The following SIK3 variants were observed in gnomAD, a reference collection of about 807,000 sequenced individuals.
The protein encoded by SIK3 is SIK family kinase 3.
SIK3 carries 28 observed loss-of-function variants against 144.2 expected under a neutral mutation model. The observed-to-expected ratio is 0.19, with a 90% CI of 0.14 to 0.27. SIK3 has a LOEUF of 0.27. Ranked by LOEUF, SIK3 falls within the 10% of genes least tolerant of loss-of-function variation. SIK3 has a pLI of 1.00. For synonymous variants in SIK3, 686 were observed against 676.3 expected, an observed-to-expected ratio of 1.01 and a Z score of -0.22; for missense variants, 1,319 against 1,776.0, an observed-to-expected ratio of 0.74 and a Z score of 4.62.
At chr11:116,944,477 TC>T (rs1948475632) in intron 3 of SIK3, among the ~76,000 whole-genome samples, 2 of 152,102 alleles carry the variant, frequency 1.3e-5, no homozygotes, top group Admixed American at 1.3e-4. Flanking sequence ...AATCAATCAA[TC>T]AATCAATCAG....
intron 4 of SIK3, among the ~76,000 whole-genome samples, chr11:116,918,544 T>C (rs1191047835): frequency 6.6e-6 from 1 of 152,206 alleles, no homozygotes; most frequent in Non-Finnish European, 1.5e-5. Flanking sequence ...ATGAAAATCC[T>C]TGAGGCTGAG....
intron 1 of SIK3, among the ~76,000 whole-genome samples, chr11:117,006,104 GA>G (rs1203742659): frequency 6.6e-6 from 1 of 152,142 alleles, no homozygotes; most frequent in Non-Finnish European, 1.5e-5. Context: ...TAATTAAAAA[GA>G]AAAAAGCAGA....
rs937843881 is a variant in SIK3, at chr11:116,844,363, A to C, written c.*1280T>G. 3 of 151,926 alleles carry C rather than the reference A, an allele frequency of 2.0e-5. No individual in the cohort carries two copies. Among genetic ancestry groups the C allele is most frequent in the African/African-American group, 4.8e-5 (2 of 41,334 alleles). 9.4% of individuals were successfully genotyped at this position (151,926 alleles called of 1,614,324 possible). ...ATTCAAATAGAACAGAATCTGGTTA[A>C]ACATTTCTCATTTAAACAAAAATTC... On this transcript the variant is annotated 3_prime_UTR_variant, in exon 25 of 25. Transcript: ENST00000445177.
At chr11:116,873,291 G>T (rs1162565653) in intron 13 of SIK3, among the ~76,000 whole-genome samples, 190 bp downstream of exon 13, 2 of 152,214 alleles carry the variant, frequency 1.3e-5, no homozygotes, top group African/African-American at 4.8e-5. Context: ...ACTTGGCTAA[G>T]TAAGTAAGTT....
chr11:117,020,807 C>T (rs1951735301), intron 1 of SIK3, among the ~76,000 whole-genome samples: 1 of 152,166 alleles, frequency 6.6e-6, no homozygotes, highest in Non-Finnish European at 1.5e-5. Context: ...TTAAAACATC[C>T]TTTCTAATGA....
intron 1 of SIK3, among the ~76,000 whole-genome samples, chr11:117,011,681 C>T (rs1306340281): frequency 2.0e-5 from 3 of 152,154 alleles, no homozygotes; most frequent in African/African-American, 7.2e-5. Flanking sequence ...ACAACTACCA[C>T]AAAATAAGGT....
At chr11:117,025,278 G>C (rs1951962200) in intron 1 of SIK3, among the ~76,000 whole-genome samples, 1 of 152,028 alleles carries the variant, frequency 6.6e-6, no homozygotes, top group Non-Finnish European at 1.5e-5. Flanking sequence ...TTTCATAACT[G>C]ATACCCATAA....
rs386375011 is a variant in SIK3, at chr11:117,091,200, C to CTTTT, written c.273+6939_273+6942dup. On this transcript the variant is annotated intron_variant, in intron 1 of 24. Transcript: ENST00000445177. ...CGTAAAATCCTGAGGTTTTTTTTTT[C>CTTTT]TTTTTTTTTTTTTTTTTTTTTGAGA... Among the ~76,000 whole-genome samples, 179 of 93,012 alleles carry CTTTT rather than the reference C, an allele frequency of 1.9e-3. 3 individuals are homozygous for CTTTT. The highest frequency in any genetic ancestry group is 3.8e-3 in the African/African-American group (89 of 23,404). The allele number at this position is 93,012 out of a possible 152,430, so 61.0% of individuals were successfully genotyped here.
rs374542270 is a variant in SIK3, at chr11:116,970,365, T to C, written c.274-13301A>G. Among the ~76,000 whole-genome samples the C allele has an allele frequency of 1.6e-4, 25 of 152,336 alleles. No individual in the cohort carries two copies. In the South Asian group the frequency reaches 5.2e-3, roughly 32 times the overall value. ...CTCTGGGAGACTTGGGTTTTGACTTTTTTAAGTTTTTAAATTGACATTTAA... is the reference window on the plus strand; with the variant it reads ...CTCTGGGAGACTTGGGTTTTGACTTCTTTAAGTTTTTAAATTGACATTTAA... On this transcript the variant is annotated intron_variant, in intron 1 of 24. Coordinates refer to ENST00000445177, the MANE Select transcript of SIK3 (RefSeq NM_001366686.3).
At chr11:116,881,278 A>C (rs896411954) in intron 6 of SIK3, among the ~76,000 whole-genome samples, 1 of 152,134 alleles carries the variant, frequency 6.6e-6, no homozygotes, top group Non-Finnish European at 1.5e-5. Flanking sequence ...GTGCCAGAGA[A>C]GCAGCTTCCC....
intron 1 of SIK3, among the ~76,000 whole-genome samples, chr11:117,075,511 A>G (rs1954471258): frequency 6.6e-6 from 1 of 151,474 alleles, no homozygotes; most frequent in Non-Finnish European, 1.5e-5. Context: ...TGTGCTATGT[A>G]TATCCACATT....
In SIK3 at chr11:116,914,636, AT is replaced by A. The variant is rs2134992228; in HGVS notation, c.616+12582del. Among the ~76,000 whole-genome samples the A allele has an allele frequency of 3.9e-5, 6 of 152,298 alleles. 1 individual carries two copies. The highest frequency in any genetic ancestry group is 1.4e-4 in the African/African-American group (6 of 41,572). On this transcript the variant is annotated intron_variant, in intron 4 of 24. Transcript: ENST00000445177. ...ACATGAAACAAGCACACATGTAACT[AT>A]ATAATTATAACCACTGGATGAGTTT...
At chr11:117,073,531 C>T (rs1954371022) in intron 1 of SIK3, among the ~76,000 whole-genome samples, 1 of 152,126 alleles carries the variant, frequency 6.6e-6, no homozygotes, top group South Asian at 2.1e-4. Context: ...TCATTTTTCT[C>T]AATAGAAATT....
At chr11:117,070,395 G>C (rs1479853130) in intron 1 of SIK3, among the ~76,000 whole-genome samples, 6 of 151,850 alleles carry the variant, frequency 4.0e-5, no homozygotes, top group Admixed American at 6.6e-5. Context: ...AGGCTGCAGT[G>C]AGCCATGATT....
chr11:116,853,535 C>G (rs1187791695), intron 21 of SIK3, among the ~76,000 whole-genome samples: 1 of 152,244 alleles, frequency 6.6e-6, no homozygotes, highest in African/African-American at 2.4e-5. Flanking sequence ...TTGGGGCAAC[C>G]TGCACAATTC....
chr11:116,896,284 T>C lies in SIK3; in HGVS notation c.834A>G (p.Gly278=). Residue 278 remains glycine (G), a synonymous_variant, in exon 6 of 25, where the codon GGA becomes GGG. Transcript: ENST00000445177. Reference sequence around the variant, plus strand: ...ACATAAAAAATGGGATGCGGAACTTTCCACTCAGCACGCGGGCCCGCAGAT... The same window carrying C: ...ACATAAAAAATGGGATGCGGAACTTCCCACTCAGCACGCGGGCCCGCAGAT... ...LQNLRARVLS[G]KFRIPFFMST... is the part of the protein sequence containing the mutation. The C allele has an allele frequency of 6.2e-7, 1 of 1,613,906 alleles. No individual in the cohort carries two copies. The highest frequency in any genetic ancestry group is 8.5e-7 in the Non-Finnish European group (1 of 1,179,856).
intron 1 of SIK3, among the ~76,000 whole-genome samples, chr11:117,057,924 C>T (rs571808420): frequency 8.6e-4 from 131 of 152,162 alleles, no homozygotes; most frequent in Admixed American, 1.8e-3. Flanking sequence ...TCAAAGGTTG[C>T]TGCTATTATT....
intron 4 of SIK3, among the ~76,000 whole-genome samples, chr11:116,917,529 C>A (rs553472179): frequency 2.4e-3 from 372 of 152,000 alleles, no homozygotes; most frequent in Admixed American, 6.0e-3. Flanking sequence ...AGCAGCAAAA[C>A]GAGTCCCATC....
At chr11:117,048,515 G>A (rs1953067847) in intron 1 of SIK3, among the ~76,000 whole-genome samples, 1 of 152,002 alleles carries the variant, frequency 6.6e-6, no homozygotes, top group Non-Finnish European at 1.5e-5. Flanking sequence ...AATTAGCCGG[G>A]CTTGGCGGTG....
Sources: allele counts gnomAD v4.1 joint callset (sites outside exome capture counted in the v4.1 genomes callset), GRCh38; gene constraint gnomAD v4.1.1; transcripts MANE v1.5; gene names NCBI Gene and HGNC (gene_info 2026-07-23, HGNC 2026-07-21).